GPC5: variants seen among roughly 807,000 people sequenced by gnomAD.
The protein encoded by GPC5 is glypican-5.
In GPC5, 47 loss-of-function variants were observed where a neutral mutation model predicts 53.9. That is an observed-to-expected ratio of 0.87 (90% CI 0.69 to 1.11). The LOEUF (loss-of-function observed/expected upper bound fraction) is 1.11. Ranked by LOEUF, GPC5 falls within the 50% of genes most tolerant of loss-of-function variation. GPC5 has a pLI of 0.00. For missense variants in GPC5, 748 were observed against 713.1 expected (o/e 1.05, Z -0.56); for synonymous variants, 286 against 263.3 (o/e 1.09, Z -0.84).
chr13:92,553,714 T>C (rs1029052225), intron 7 of GPC5, among the ~76,000 whole-genome samples: 2 of 151,936 alleles, frequency 1.3e-5, no homozygotes, highest in African/African-American at 4.8e-5. Flanking sequence ...AGTTGACAAC[T>C]TTGTAGAGCC....
intron 6 of GPC5, among the ~76,000 whole-genome samples, chr13:92,066,548 T>C (rs1479183631): frequency 1.1e-4 from 17 of 152,066 alleles, no homozygotes; most frequent in East Asian, 1.9e-4. Context: ...ATTAAAACCA[T>C]AGCAAAGCGC....
At chr13:92,174,889 G>T (rs1444446238) in intron 7 of GPC5, among the ~76,000 whole-genome samples, 1 of 152,274 alleles carries the variant, frequency 6.6e-6, no homozygotes, top group Non-Finnish European at 1.5e-5. Flanking sequence ...CGCTCTTATA[G>T]CCCAGGCTGG....
At chr13:91,508,421 C>G (rs1474903205) in intron 2 of GPC5, among the ~76,000 whole-genome samples, 1 of 152,100 alleles carries the variant, frequency 6.6e-6, no homozygotes, top group Non-Finnish European at 1.5e-5. Context: ...GGAGGGCAGA[C>G]AGGATGGCAT....
At chr13:92,471,043 A>T (rs1456510093) in intron 7 of GPC5, among the ~76,000 whole-genome samples, 2 of 152,114 alleles carry the variant, frequency 1.3e-5, no homozygotes, top group Non-Finnish European at 2.9e-5. Context: ...CGGGAAACAC[A>T]GTGAGCCCCT....
At chr13:91,568,865 C>T (rs946099094) in intron 2 of GPC5, among the ~76,000 whole-genome samples, 11 of 151,768 alleles carry the variant, frequency 7.2e-5, no homozygotes, top group African/African-American at 2.2e-4. Context: ...TCTTCTACCT[C>T]AGCCTCCTGA....
intron 2 of GPC5, among the ~76,000 whole-genome samples, chr13:91,618,582 A>G (rs1335108276): frequency 6.6e-6 from 1 of 152,014 alleles, no homozygotes; most frequent in African/African-American, 2.4e-5. Flanking sequence ...AGTTACCCAG[A>G]GGTTTTTGAG....
At chr13:91,830,078 G>A (rs2038631771) in intron 5 of GPC5, among the ~76,000 whole-genome samples, 1 of 151,318 alleles carries the variant, frequency 6.6e-6, no homozygotes, top group East Asian at 1.9e-4. Flanking sequence ...GCCTGGGAGT[G>A]CTATGGGAGA....
chr13:92,696,408 A>G (rs551182141), intron 7 of GPC5, among the ~76,000 whole-genome samples: 1 of 152,314 alleles, frequency 6.6e-6, no homozygotes, highest in Admixed American at 6.5e-5. Context: ...ATGAGATGGT[A>G]TCTCACTGTG....
intron 5 of GPC5, among the ~76,000 whole-genome samples, chr13:91,822,461 C>T (rs773993449): frequency 5.9e-5 from 9 of 152,122 alleles, no homozygotes; most frequent in Non-Finnish European, 8.8e-5. Context: ...TTGTGAACAT[C>T]GTCAGTAAGC....
intron 7 of GPC5, among the ~76,000 whole-genome samples, chr13:92,732,075 A>G (rs932595787): frequency 6.6e-6 from 1 of 151,442 alleles, no homozygotes; most frequent in Admixed American, 6.6e-5. Context: ...TTTTAAATAG[A>G]AGCATATGCA....
chr13:91,415,674 C>G (rs1446568480), intron 1 of GPC5, among the ~76,000 whole-genome samples: 2 of 129,552 alleles, frequency 1.5e-5, no homozygotes, highest in African/African-American at 5.9e-5. Flanking sequence ...AGAAATTTAA[C>G]TATATTGAAC....
At chr13:92,219,409 C>T (rs182490380) in intron 7 of GPC5, among the ~76,000 whole-genome samples, 12 of 152,216 alleles carry the variant, frequency 7.9e-5, no homozygotes, top group African/African-American at 2.6e-4. Flanking sequence ...CCACATCACA[C>T]CACTATTGAG....
intron 7 of GPC5, among the ~76,000 whole-genome samples, chr13:92,581,137 G>T (rs1044857993): frequency 2.8e-4 from 42 of 152,042 alleles, no homozygotes; most frequent in African/African-American, 8.2e-4. Flanking sequence ...TGCATTAATT[G>T]TTGTTAACAT....
intron 6 of GPC5, among the ~76,000 whole-genome samples, chr13:92,139,814 A>T (rs2138976266): frequency 6.6e-6 from 1 of 152,310 alleles, no homozygotes; most frequent in Middle Eastern, 3.4e-3. Flanking sequence ...TTCAGAGAAG[A>T]GAAAACACTA....
At chr13:91,500,747 A>G (rs1051957636) in intron 2 of GPC5, among the ~76,000 whole-genome samples, 2 of 152,166 alleles carry the variant, frequency 1.3e-5, no homozygotes, top group African/African-American at 2.4e-5. Flanking sequence ...ATACTGTATT[A>G]CAGACTGATA....
intron 7 of GPC5, among the ~76,000 whole-genome samples, chr13:92,519,939 A>G (rs1257425674): frequency 6.6e-6 from 1 of 152,206 alleles, no homozygotes; most frequent in Admixed American, 6.5e-5. Context: ...AAAAATGATA[A>G]AGGGGATATC....
At chr13:91,500,847 T>C (rs1884582069) in intron 2 of GPC5, among the ~76,000 whole-genome samples, 1 of 152,160 alleles carries the variant, frequency 6.6e-6, no homozygotes, top group African/African-American at 2.4e-5. Flanking sequence ...TGGGAGATAA[T>C]TGGCTCATAG....
At chr13:92,079,530 G>A (rs748231408) in intron 6 of GPC5, among the ~76,000 whole-genome samples, 1 of 152,188 alleles carries the variant, frequency 6.6e-6, no homozygotes, top group Non-Finnish European at 1.5e-5. Flanking sequence ...CTATCATCGT[G>A]TGATTTAAAT....
intron 2 of GPC5, among the ~76,000 whole-genome samples, chr13:91,562,280 A>C (rs562137792): frequency 1.3e-5 from 2 of 151,494 alleles, no homozygotes; most frequent in Admixed American, 6.6e-5. Context: ...ATATCTGATG[A>C]TCTATGGATG....
Sources: allele counts gnomAD v4.1 joint callset (sites outside exome capture counted in the v4.1 genomes callset), GRCh38; gene constraint gnomAD v4.1.1; transcripts MANE v1.5; gene names NCBI Gene and HGNC (gene_info 2026-07-23, HGNC 2026-07-21).